SCOC: variants seen among roughly 807,000 people sequenced by gnomAD.
The protein encoded by SCOC is short coiled-coil protein.
A neutral mutation model predicts 9.9 loss-of-function variants in SCOC; 7 were observed. The ratio of observed to expected loss-of-function variants is 0.71; its 90% confidence interval spans 0.40 to 1.33. SCOC has a LOEUF of 1.33. Ranked by LOEUF, SCOC falls within the 40% of genes most tolerant of loss-of-function variation. The pLI is 0.01. For missense variants in SCOC, 66 were observed against 89.7 expected (o/e 0.74, Z 1.07); for synonymous variants, 19 against 28.2 (o/e 0.67, Z 1.03).
chr4:140,278,243 T>C (rs574439091), intron 1 of SCOC, among the ~76,000 whole-genome samples: 13 of 152,108 alleles, frequency 8.5e-5, no homozygotes, highest in African/African-American at 3.1e-4. Context: ...TCCAAGATGA[T>C]GCCTTCTTGC....
In SCOC at chr4:140,379,670, A is replaced by C. The variant is rs139256921; in HGVS notation, c.106+18A>C. On this transcript the variant is annotated intron_variant, in intron 3 of 3. Transcript: ENST00000608372. ...ACTTGAAGGTTGGCTTGCATTTTGT[A>C]GTTTATTTGAATGACAGCCAATTAA... 6.2e-5 allele frequency: 96 copies of C among 1,559,088 alleles called. No individual in the cohort carries two copies. The African/African-American group carries it at 1.2e-3, about 19-fold the overall frequency.
At chr4:140,322,451 G>A (rs1732528981) in intron 1 of SCOC, among the ~76,000 whole-genome samples, 1 of 152,150 alleles carries the variant, frequency 6.6e-6, no homozygotes, top group Admixed American at 6.5e-5. Flanking sequence ...ATTCTGATGA[G>A]GTTGTAGATG....
At chr4:140,362,409 C>T (rs1727608311) in intron 2 of SCOC, among the ~76,000 whole-genome samples, 2 of 143,742 alleles carry the variant, frequency 1.4e-5, no homozygotes, top group South Asian at 4.5e-4. Flanking sequence ...GATTCTCCTG[C>T]CTCAGCCTCC....
At chr4:140,359,788 T>G (rs146469157) in intron 2 of SCOC, among the ~76,000 whole-genome samples, 3 of 152,190 alleles carry the variant, frequency 2.0e-5, no homozygotes, top group African/African-American at 7.2e-5. Context: ...GTCCTTCAGA[T>G]GCTTTGTACT....
In SCOC at chr4:140,329,223, G is replaced by A. The variant is rs917843733; in HGVS notation, c.-18-14398G>A. ...AAAAGGACACCCTATTCAACAAATC[G>A]TGCTGGGATAATTGGCAGGCCACAT... On this transcript the variant is annotated intron_variant, in intron 1 of 4. Coordinates refer to the SCOC transcript ENST00000394205. Among the ~76,000 whole-genome samples, 11 of 152,112 alleles carry A rather than the reference G, an allele frequency of 7.2e-5. No homozygotes were observed. In the South Asian group the frequency reaches 1.0e-3, roughly 14 times the overall value.
chr4:140,330,772 T>A (rs1221867455), intron 1 of SCOC, among the ~76,000 whole-genome samples: 1 of 152,254 alleles, frequency 6.6e-6, no homozygotes, highest in Non-Finnish European at 1.5e-5. Context: ...GACATGAAAG[T>A]AAGAATAGCT....
chr4:140,300,886 T>A (rs1039969694), intron 1 of SCOC, among the ~76,000 whole-genome samples: 6 of 152,108 alleles, frequency 3.9e-5, no homozygotes, highest in African/African-American at 1.4e-4. Context: ...CTGCAATGAG[T>A]CTCAGGACAG....
At chr4:140,305,684 G>A (rs142802801) in intron 1 of SCOC, among the ~76,000 whole-genome samples, 12 of 152,296 alleles carry the variant, frequency 7.9e-5, no homozygotes, top group African/African-American at 2.6e-4. Flanking sequence ...AGAGAGGAAG[G>A]TAGGGGAGAG....
chr4:140,351,231 A>T (rs184401438), intron 2 of SCOC, among the ~76,000 whole-genome samples: 2 of 151,718 alleles, frequency 1.3e-5, no homozygotes, highest in East Asian at 3.9e-4. Flanking sequence ...AGATTTGGCC[A>T]CATCAGTTCT....
At chr4:140,315,281 G>A (rs1053572475) in intron 1 of SCOC, among the ~76,000 whole-genome samples, 12 of 152,184 alleles carry the variant, frequency 7.9e-5, no homozygotes, top group Admixed American at 6.5e-4. Context: ...TCAAAGGAAC[G>A]GGTATGCCTA....
chr4:140,346,336 A>G (rs1201932991), intron 2 of SCOC, among the ~76,000 whole-genome samples: 1 of 152,146 alleles, frequency 6.6e-6, no homozygotes, highest in Non-Finnish European at 1.5e-5. Context: ...CGGTATTGGA[A>G]GCTGCTGGAT....
At chr4:140,318,088 C>T (rs992229065) in intron 1 of SCOC, among the ~76,000 whole-genome samples, 1 of 151,900 alleles carries the variant, frequency 6.6e-6, no homozygotes, top group Non-Finnish European at 1.5e-5. Context: ...TTTCTTAATC[C>T]AGTTGATTTA....
intron 2 of SCOC, among the ~76,000 whole-genome samples, chr4:140,349,397 A>T (rs1385884928): frequency 6.6e-6 from 1 of 152,234 alleles, no homozygotes; most frequent in Non-Finnish European, 1.5e-5. Flanking sequence ...TTTAAAAACA[A>T]TAGCATAGAG....
At position 140,280,995 on chromosome 4, in the gene SCOC, C is replaced by T. The variant is rs184432211; in HGVS notation, c.-19+23585C>T. ...AAAAGTTACTACTCAAGAAATATGG[C>T]TTATATGTTTTGACAAGTGGTCTTC... On this transcript the variant is annotated intron_variant, in intron 1 of 4. Transcript: ENST00000394205. Among the ~76,000 whole-genome samples, 4 of 152,190 alleles carry T rather than the reference C, an allele frequency of 2.6e-5. No homozygotes were observed. In the East Asian group the frequency reaches 7.7e-4, roughly 29 times the overall value.
chr4:140,285,370 C>T lies in SCOC; in HGVS notation c.-19+27960C>T, dbSNP rs1163311813. The T allele has an allele frequency of 1.6e-5, 7 of 441,038 alleles. No individual in the cohort carries two copies. The East Asian group carries it at 4.9e-4, about 31-fold the overall frequency. 27.3% of individuals were successfully genotyped at this position (441,038 alleles called of 1,614,324 possible). On this transcript the variant is annotated intron_variant, in intron 1 of 4. Coordinates refer to the SCOC transcript ENST00000394205. ...ACAGGTCTTTGAAAATACCAGATGA[C>T]TGAACTAAAATAAATGGGAGAGAGT...
intron 3 of SCOC, 128 bp downstream of exon 3, chr4:140,379,780 A>G (rs1728492799): frequency 1.6e-6 from 1 of 623,324 alleles, no homozygotes; most frequent in Non-Finnish European, 2.9e-6. Flanking sequence ...GTACACACAT[A>G]TATATATCTA....
At chr4:140,279,233 C>G (rs1420945950) in intron 1 of SCOC, among the ~76,000 whole-genome samples, 1 of 152,168 alleles carries the variant, frequency 6.6e-6, no homozygotes, top group Non-Finnish European at 1.5e-5. Flanking sequence ...CTCAGGAAAG[C>G]CTTTGCAGAG....
chr4:140,306,246 C>T (rs943059608), intron 1 of SCOC, among the ~76,000 whole-genome samples: 1 of 152,032 alleles, frequency 6.6e-6, no homozygotes, highest in Non-Finnish European at 1.5e-5. Flanking sequence ...CATCAGATCT[C>T]GTGAGACGTG....
intron 1 of SCOC, among the ~76,000 whole-genome samples, chr4:140,263,751 G>A (rs1009522173): frequency 6.6e-5 from 10 of 152,166 alleles, no homozygotes; most frequent in South Asian, 6.2e-4. Flanking sequence ...CAACCCATGG[G>A]TGAAAAGCAA....
Sources: allele counts gnomAD v4.1 joint callset (sites outside exome capture counted in the v4.1 genomes callset), GRCh38; gene constraint gnomAD v4.1.1; transcripts MANE v1.5; gene names NCBI Gene and HGNC (gene_info 2026-07-23, HGNC 2026-07-21).